The following STAB2 variants were observed in gnomAD, a reference collection of about 807,000 sequenced individuals.
The protein encoded by STAB2 is stabilin-2.
In STAB2, 288 loss-of-function variants were observed where a neutral mutation model predicts 338.1. The observed-to-expected ratio is 0.85, with a 90% CI of 0.77 to 0.94. The LOEUF (loss-of-function observed/expected upper bound fraction) is 0.94. Ranked by LOEUF, STAB2 falls within the 40% of genes least tolerant of loss-of-function variation. The pLI is 0.00. For synonymous variants in STAB2, 1,202 were observed against 1,193.3 expected (o/e 1.01, Z -0.15); for missense variants, 3,141 against 3,210.1 (o/e 0.98, Z 0.52).
In STAB2 at chr12:103,685,058, T is replaced by C. The variant is rs770624083; in HGVS notation, c.2971T>C (p.Phe991Leu). ...VCQEGYEGDG[F>L]LCYGNAAVEL... ...TCAAGAGGGCTATGAAGGAGATGGC[T>C]TTCTGTGCTATGGAAACGCAGCAGT... The change falls in exon 27 of 69, where the codon TTT (phenylalanine) becomes CTT (leucine). Residue 991 changes from phenylalanine (F) to leucine (L), a missense_variant. Transcript: ENST00000388887. The C allele has an allele frequency of 1.2e-6, 2 of 1,614,046 alleles. No individual in the cohort carries two copies. Among genetic ancestry groups the C allele is most frequent in the Non-Finnish European group, 1.7e-6 (2 of 1,179,904 alleles).
intron 3 of STAB2, among the ~76,000 whole-genome samples, chr12:103,595,186 T>G (rs545307659): frequency 6.6e-6 from 1 of 152,266 alleles, no homozygotes; most frequent in East Asian, 1.9e-4. Flanking sequence ...AGTGACTGAG[T>G]CATTTCTACC....
At chr12:103,695,521 T>C in intron 31 of STAB2, 29 bp from the exon 32 acceptor site, 1 of 1,612,742 alleles carries the variant, frequency 6.2e-7, no homozygotes, top group Non-Finnish European at 8.5e-7. Flanking sequence ...CAAAACATGC[T>C]AACAGGATTC....
chr12:103,673,940 G>A lies in STAB2; in HGVS notation c.2405G>A (p.Arg802Lys). ...TGCGTTCACGGAACATGCAATAACA[G>A]GATAGACAGCGATGGGGCCTGCCTC... ...CLCVHGTCNN[R>K]IDSDGACLTG... Residue 802 changes from arginine to lysine, a missense_variant, in exon 23 of 69, where the codon AGG (arginine) becomes AAG (lysine). Coordinates refer to ENST00000388887, the MANE Select transcript of STAB2 (RefSeq NM_017564.10). The A allele has an allele frequency of 6.2e-7, 1 of 1,613,918 alleles. No homozygotes were observed. Among genetic ancestry groups the A allele is most frequent in the Non-Finnish European group, 8.5e-7 (1 of 1,179,912 alleles).
chr12:103,631,824 G>T (rs1392561210), intron 6 of STAB2, 131 bp downstream of exon 6: 1 of 757,156 alleles, frequency 1.3e-6, no homozygotes, highest in Non-Finnish European at 2.2e-6. Context: ...AAAGAAACTA[G>T]AAATTAAAAA....
chr12:103,710,355 T>C (rs1027437959), intron 39 of STAB2, among the ~76,000 whole-genome samples: 7 of 152,116 alleles, frequency 4.6e-5, no homozygotes, highest in Admixed American at 3.3e-4. Context: ...AATAAATGTT[T>C]AGTAAAAGGA....
chr12:103,671,209 T>C (rs567769885), intron 22 of STAB2, among the ~76,000 whole-genome samples: 2 of 152,166 alleles, frequency 1.3e-5, no homozygotes. Flanking sequence ...CCCAGCACTT[T>C]GGGAGGCTGA....
intron 3 of STAB2, 80 bp downstream of exon 3, chr12:103,594,590 A>G (rs1352903212): frequency 7.2e-6 from 8 of 1,117,220 alleles, no homozygotes; most frequent in African/African-American, 3.1e-5. Flanking sequence ...AGGAAGCCCA[A>G]TAAAAAGAAG....
At chr12:103,665,149 C>T (rs1874963948) in intron 18 of STAB2, among the ~76,000 whole-genome samples, 1 of 152,210 alleles carries the variant, frequency 6.6e-6, no homozygotes, top group South Asian at 2.1e-4. Flanking sequence ...TCTATTTGCT[C>T]TACATGGTTT....
At chr12:103,654,450 A>C in intron 12 of STAB2, 105 bp from the exon 13 acceptor site, 1 of 1,242,538 alleles carries the variant, frequency 8.0e-7, no homozygotes, top group South Asian at 1.7e-5. Context: ...TCACATTGCC[A>C]ATAAATATCA....
chr12:103,626,703 T>C (rs113665474), intron 5 of STAB2, among the ~76,000 whole-genome samples: 68 of 152,216 alleles, frequency 4.5e-4, no homozygotes, highest in Non-Finnish European at 8.5e-4. Flanking sequence ...CAGTGTTGTG[T>C]CATCCAATGA....
At chr12:103,670,187 AC>A (rs1395333004) in intron 21 of STAB2, among the ~76,000 whole-genome samples, 2 of 152,164 alleles carry the variant, frequency 1.3e-5, no homozygotes, top group Non-Finnish European at 1.5e-5. Context: ...CACCATGTGG[AC>A]AAGGAGAATA....
At chr12:103,600,008 T>G (rs564373553) in intron 3 of STAB2, among the ~76,000 whole-genome samples, 1 of 152,374 alleles carries the variant, frequency 6.6e-6, no homozygotes, top group South Asian at 2.1e-4. Flanking sequence ...TTAACGACCA[T>G]GTAATCTTGG....
At chr12:103,724,945 C>T (rs761890768) in intron 44 of STAB2, 30 bp from the exon 45 acceptor site, 1 of 1,610,440 alleles carries the variant, frequency 6.2e-7, no homozygotes, top group South Asian at 1.1e-5. Flanking sequence ...GGTCTAATCC[C>T]CATCCCTTGC....
intron 49 of STAB2, 63 bp downstream of exon 49, chr12:103,730,319 T>G: frequency 6.5e-7 from 1 of 1,531,436 alleles, no homozygotes; most frequent in Non-Finnish European, 8.9e-7. Context: ...ATCTCTATTC[T>G]GATTCGAAGT....
At chr12:103,643,969 T>A (rs1320667065) in intron 9 of STAB2, among the ~76,000 whole-genome samples, 1 of 67,756 alleles carries the variant, frequency 1.5e-5, no homozygotes, top group Non-Finnish European at 3.1e-5. Context: ...CGCCTCTGCC[T>A]GGCCGCCCCT....
chr12:103,655,663 G>C (rs1593188935), intron 15 of STAB2, 82 bp downstream of exon 15: 5 of 1,547,608 alleles, frequency 3.2e-6, no homozygotes, highest in South Asian at 2.5e-5. Flanking sequence ...TCCTAAACTA[G>C]AGATAGTAAA....
chr12:103,702,734 C>T (rs1879010992), intron 34 of STAB2, among the ~76,000 whole-genome samples: 1 of 152,242 alleles, frequency 6.6e-6, no homozygotes, highest in Admixed American at 6.5e-5. Context: ...ACTACCACCT[C>T]CAGAACCACT....
Position 103,699,118 on chromosome 12 carries a change from A to G in STAB2, c.3605A>G (p.His1202Arg). Residue 1202 changes from histidine to arginine, a missense_variant, in exon 34 of 69, where the codon CAT becomes CGT. Physicochemically the swap from His to Arg is conservative, Grantham distance 29. Coordinates refer to ENST00000388887, the MANE Select transcript of STAB2 (RefSeq NM_017564.10). ...LSLEEDVLRY[H>R]VVLEEKLLKN... ...CAGGAGGAGGACGTCCTCCGGTATCATGTGGTCCTGGAGGAGAAACTCCTG... is the reference window on the plus strand; with the variant it reads ...CAGGAGGAGGACGTCCTCCGGTATCGTGTGGTCCTGGAGGAGAAACTCCTG... 6.2e-7 allele frequency: 1 copy of G among 1,611,166 alleles called. No individual in the cohort carries two copies. The highest frequency in any genetic ancestry group is 8.5e-7 in the Non-Finnish European group (1 of 1,177,786).
At chr12:103,666,175 T>C (rs1419212602) in intron 18 of STAB2, 116 bp from the exon 19 acceptor site, 4 of 1,009,426 alleles carry the variant, frequency 4.0e-6, no homozygotes, top group Non-Finnish European at 6.1e-6. Context: ...GAGGCCAGGA[T>C]CATGGCTCAG....
Sources: allele counts gnomAD v4.1 joint callset (sites outside exome capture counted in the v4.1 genomes callset), GRCh38; gene constraint gnomAD v4.1.1; transcripts MANE v1.5; gene names NCBI Gene and HGNC (gene_info 2026-07-23, HGNC 2026-07-21).